The following NLRC5 variants were observed in gnomAD, a reference collection of about 807,000 sequenced individuals.
The protein encoded by NLRC5 is protein NLRC5.
NLRC5 carries 114 observed loss-of-function variants against 206.9 expected under a neutral mutation model. The ratio of observed to expected loss-of-function variants is 0.55; its 90% CI spans 0.47 to 0.64. The LOEUF is 0.64. NLRC5 is among the 30% of genes least tolerant of loss of function. The probability of loss-of-function intolerance (pLI) is 0.00; values close to 1 mark genes in which losing one functional copy is unlikely to be tolerated. For synonymous variants in NLRC5, 952 were observed against 962.8 expected (o/e 0.99, Z 0.21); for missense variants, 2,008 against 2,305.5 (o/e 0.87, Z 2.64).
rs1396148187 is a variant in NLRC5, at chr16:57,039,854, G to T, written c.2870+5G>T. On this transcript the variant is annotated splice_donor_5th_base_variant and intron_variant, in intron 16 of 48. Transcript: ENST00000688547. ...GCAGAAGGGGCCCCAGGAGAGGTAG[G>T]GCCCGATTTCACCCCAACTCCATGC... 2 of 1,613,202 alleles carry T rather than the reference G, an allele frequency of 1.2e-6. No homozygotes were observed. The highest frequency in any genetic ancestry group is 2.7e-5 in the African/African-American group (2 of 74,910).
intron 32 of NLRC5, chr16:57,062,385 C>A (rs754829054): frequency 9.1e-6 from 3 of 329,786 alleles, no homozygotes; most frequent in Non-Finnish European, 1.7e-5. Flanking sequence ...CAGGATCTGT[C>A]ACATCTGGTC....
At chr16:57,033,556 G>T in intron 11 of NLRC5, 48 bp from the exon 12 acceptor site, 1 of 1,587,332 alleles carries the variant, frequency 6.3e-7, no homozygotes, top group South Asian at 1.1e-5. Flanking sequence ...TGATCCACCA[G>T]GCCCTAGATG....
At chr16:57,040,564 C>T (rs1400503357) in intron 16 of NLRC5, 86 bp from the exon 17 acceptor site, 8 of 1,340,724 alleles carry the variant, frequency 6.0e-6, no homozygotes, top group South Asian at 3.5e-5. Flanking sequence ...GGATAGGGCT[C>T]GATGGTGGAA....
At chr16:57,043,003 C>T (rs1473220308) in intron 19 of NLRC5, among the ~76,000 whole-genome samples, 1 of 152,010 alleles carries the variant, frequency 6.6e-6, no homozygotes, top group Non-Finnish European at 1.5e-5. Context: ...AGTGTGGACT[C>T]GTGACCTGGT....
intron 47 of NLRC5, 63 bp downstream of exon 47, chr16:57,081,244 A>G (rs1298952943): frequency 4.8e-6 from 7 of 1,462,356 alleles, no homozygotes; most frequent in Non-Finnish European, 5.6e-6. Context: ...GGGAACACCA[A>G]GAGGCCACTG....
chr16:57,054,954 G>C, intron 25 of NLRC5, 78 bp from the exon 26 acceptor site: 1 of 1,595,886 alleles, frequency 6.3e-7, no homozygotes, highest in Non-Finnish European at 8.6e-7. Flanking sequence ...CTGGGCTTCC[G>C]GAGGAGGGGT....
intron 30 of NLRC5, among the ~76,000 whole-genome samples, chr16:57,060,035 T>TATTATTATTATTATTATTATTATC (rs2144625891): frequency 7.9e-6 from 1 of 126,140 alleles, no homozygotes; most frequent in South Asian, 2.9e-4. Flanking sequence ...TTATTATTAT[T>TATTATTATTATTATTATTATTATC]ATTATTATTA....
In NLRC5 at chr16:57,026,820, A is replaced by G. The variant is rs1320604533; in HGVS notation, c.1877A>G (p.Glu626Gly). Residue 626 changes from glutamate (E) to glycine (G), a missense_variant, in exon 6 of 49, where the codon GAG becomes GGG. Glu to Gly is a moderately conservative substitution (Grantham distance 98, BLOSUM62 -2). Coordinates refer to ENST00000688547, the MANE Select transcript of NLRC5 (RefSeq NM_001384950.1). ...CHCVDETQEP[E>G]LASLTAQSLP... ...TGTGTGGATGAGACACAGGAGCCTGAGCTGGCCAGTCTCACCGCACAAAGC... is the reference window on the plus strand; with the variant it reads ...TGTGTGGATGAGACACAGGAGCCTGGGCTGGCCAGTCTCACCGCACAAAGC... 1.2e-6 allele frequency: 2 copies of G among 1,614,196 alleles called. No homozygotes were observed. The highest frequency in any genetic ancestry group is 1.6e-4 in the Middle Eastern group (1 of 6,062).
intron 46 of NLRC5, 140 bp from the exon 47 acceptor site, chr16:57,080,958 C>G (rs2069059948): frequency 1.5e-6 from 1 of 671,390 alleles, no homozygotes; most frequent in African/African-American, 1.8e-5. Flanking sequence ...GGGGAGGACA[C>G]ACAAGCACCC....
rs187039611 is a variant in NLRC5 at position 57,034,374 on chromosome 16, G to A, written c.2627+123G>A. ...ATGCTGCCTCATGAAGAATTTGGGGGAATCAGATCATTGTAACAGCTGCTA... is the reference window on the plus strand; with the variant it reads ...ATGCTGCCTCATGAAGAATTTGGGGAAATCAGATCATTGTAACAGCTGCTA... On this transcript the variant is annotated intron_variant, in intron 13 of 48. Coordinates refer to ENST00000688547, the MANE Select transcript of NLRC5 (RefSeq NM_001384950.1). 5 of 706,834 alleles carry A rather than the reference G, an allele frequency of 7.1e-6. 1 individual carries two copies. In the East Asian group the frequency reaches 1.4e-4, roughly 19 times the overall value. The allele number at this position is 706,834 out of a possible 1,614,324, so 43.8% of individuals were successfully genotyped here. A position where few individuals can be genotyped will look rare whatever the true frequency, so the allele number is the denominator to read the frequency against.
In NLRC5 at chr16:57,028,095, A is replaced by T; in HGVS notation, c.2099A>T (p.Asp700Val). Reference sequence around the variant, plus strand: ...AGCTTTAAGAGCAGGAAGTGTGGGGATGCCTTTGCAGAAGCCCTCTCCAGG... The same window carrying T: ...AGCTTTAAGAGCAGGAAGTGTGGGGTTGCCTTTGCAGAAGCCCTCTCCAGG... ...NLSFKSRKCG[D>V]AFAEALSRSL... The change falls in exon 7 of 49, where the codon GAT (aspartate) becomes GTT (valine). Residue 700 changes from aspartate (D) to valine (V), a missense_variant. Coordinates refer to ENST00000688547, the MANE Select transcript of NLRC5 (RefSeq NM_001384950.1). The T allele has an allele frequency of 6.2e-7, 1 of 1,613,600 alleles. No homozygotes were observed. The highest frequency in any genetic ancestry group is 8.5e-7 in the Non-Finnish European group (1 of 1,179,782).
At chr16:57,018,822 C>T (rs1291672784) in intron 2 of NLRC5, among the ~76,000 whole-genome samples, 3 of 152,160 alleles carry the variant, frequency 2.0e-5, no homozygotes, top group Non-Finnish European at 2.9e-5. Flanking sequence ...AAAGTACATC[C>T]GGAAATGTGA....
intron 27 of NLRC5, 76 bp downstream of exon 27, chr16:57,055,595 C>A: frequency 8.5e-7 from 1 of 1,178,208 alleles, no homozygotes; most frequent in Non-Finnish European, 1.3e-6. Context: ...TATGAGGGTC[C>A]GTGTGTGCAC....
chr16:57,079,404 T>C, intron 45 of NLRC5, 112 bp downstream of exon 45: 1 of 1,391,404 alleles, frequency 7.2e-7, no homozygotes. Context: ...GCCCCAGGGA[T>C]GGTGGGGGCC....
rs34595999 is a variant in NLRC5, at chr16:57,080,481, ATTTTTT to A, written c.5322-601_5322-596del. On this transcript the variant is annotated intron_variant, in intron 46 of 48. Transcript: ENST00000688547. ...GTAGCAATAAAAGTTTCCTTTCAAG[ATTTTTT>A]TTTTTTTTTTTTTTTGAGATGGAGT... is the stretch of plus-strand genomic sequence containing the variant. Among the ~76,000 whole-genome samples the A allele has an allele frequency of 8.7e-3, 965 of 111,162 alleles. 10 individuals carry two copies. The highest frequency in any genetic ancestry group is 0.024 in the African/African-American group (705 of 29,326). 72.9% of individuals were successfully genotyped at this position (111,162 alleles called of 152,430 possible). A position where few individuals can be genotyped will look rare whatever the true frequency, so the allele number is the denominator to read the frequency against.
intron 15 of NLRC5, 46 bp downstream of exon 15, chr16:57,037,330 G>T (rs765782782): frequency 2.2e-5 from 34 of 1,531,946 alleles, no homozygotes; most frequent in Non-Finnish European, 3.0e-5. Flanking sequence ...CCCCCATCAT[G>T]CTCTCTCTGA....
At chr16:57,076,782 TCCTGAAAG>T (rs747930659) in intron 39 of NLRC5, 29 bp from the exon 40 acceptor site, 1 of 1,598,014 alleles carries the variant, frequency 6.3e-7, no homozygotes, top group Non-Finnish European at 8.6e-7. Flanking sequence ...GCCTTTAAGC[TCCTGAAAG>T]CCTCTTGGTC....
chr16:57,035,057 A>T (rs1157762767), intron 13 of NLRC5: 1 of 152,262 alleles, frequency 6.6e-6, no homozygotes, highest in Non-Finnish European at 1.5e-5. Context: ...ACAAGCTCAC[A>T]CACTTCTACC....
At chr16:57,029,520 G>C (rs2061575551) in intron 8 of NLRC5, among the ~76,000 whole-genome samples, 1 of 152,210 alleles carries the variant, frequency 6.6e-6, no homozygotes, top group East Asian at 1.9e-4. Context: ...GAGGCCGTCA[G>C]TCTGTCTTCT....
Sources: gnomAD v4.1 joint callset for allele counts (sites outside exome capture counted in the v4.1 genomes callset) on GRCh38, gnomAD v4.1.1 for gene constraint, MANE v1.5 for transcripts, NCBI Gene and HGNC (gene_info 2026-07-23, HGNC 2026-07-21) for gene names.